Variants in ZYX observed in about 807,000 individuals in gnomAD.
The protein encoded by ZYX is zyxin, also known as zyxin-2.
ZYX carries 37 observed loss-of-function variants against 58.1 expected under a neutral mutation model. That is an observed-to-expected ratio of 0.64 (90% CI 0.49 to 0.84). The LOEUF (loss-of-function observed/expected upper bound fraction) is 0.84. Ranked by LOEUF, ZYX falls within the 40% of genes least tolerant of loss-of-function variation. The pLI, the probability that ZYX is intolerant of heterozygous loss-of-function variation, is 0.00. For synonymous variants in ZYX, 324 were observed against 321.1 expected (o/e 1.01, Z -0.10); for missense variants, 762 against 761.6 (o/e 1.00, Z -0.01).
rs1337254208 is a variant in ZYX at position 143,388,340 on chromosome 7, G to A, written c.1144+1G>A. 8.1e-6 allele frequency: 13 copies of A among 1,613,612 alleles called. No individual in the cohort carries two copies. Among genetic ancestry groups the A allele is most frequent in the Non-Finnish European group, 1.1e-5 (13 of 1,179,804 alleles). On this transcript the variant is annotated splice_donor_variant, in intron 6 of 9. Coordinates refer to ENST00000322764, the MANE Select transcript of ZYX (RefSeq NM_003461.5). LOFTEE classifies it high-confidence loss of function. This position sits in a 1 kb window ranked among gnomAD's most constrained non-coding sequence, Gnocchi z 7.5. ...CAGAGGCAGAATGTGGCTGTCAACG[G>A]TGAGCCCACCCCACCGGGACACCCC...
rs915978028 is a variant in ZYX, at chr7:143,383,401, A to AG, written c.1023+81dup. 13 of 1,461,224 alleles carry AG rather than the reference A, an allele frequency of 8.9e-6. No homozygotes were observed. In the African/African-American group the frequency reaches 1.6e-4, roughly 18 times the overall value. 90.5% of individuals were successfully genotyped at this position (1,461,224 alleles called of 1,614,324 possible). A position where few individuals can be genotyped will look rare whatever the true frequency, so the allele number is the denominator to read the frequency against. On this transcript the variant is annotated intron_variant, in intron 5 of 9. Transcript: ENST00000322764. ...GGTCAGGAGCCAGAGCATAAGCATAAGGTGATTGGAGAGTCAGGGTGGACA... is the reference window on the plus strand; with the variant it reads ...GGTCAGGAGCCAGAGCATAAGCATAAGGGTGATTGGAGAGTCAGGGTGGACA...
chr7:143,390,714 A>C lies in ZYX; in HGVS notation c.*32A>C. ...ACAGGCCCTCTTCAGACCGCAGTCC[A>C]TGCCCCATTGTGGACCACCCACACT... On this transcript the variant is annotated 3_prime_UTR_variant, in exon 10 of 10. Transcript: ENST00000322764. This position sits in a 1 kb window ranked among gnomAD's most constrained non-coding sequence, Gnocchi z 4.3. 6.6e-7 allele frequency: 1 copy of C among 1,516,174 alleles called. No homozygotes were observed. The highest frequency in any genetic ancestry group is 9.0e-7 in the Non-Finnish European group (1 of 1,114,938). 93.9% of individuals were successfully genotyped at this position (1,516,174 alleles called of 1,614,324 possible).
At position 143,389,957 on chromosome 7, in the gene ZYX, A is replaced by G. The variant is rs1340164696; in HGVS notation, c.1594A>G (p.Met532Val). Reference sequence around the variant, plus strand: ...GGTCGCCCTGGACAAGAACTTCCACATGAAGTGTTACAAGTGTGAGGTCAG... The same window carrying G: ...GGTCGCCCTGGACAAGAACTTCCACGTGAAGTGTTACAAGTGTGAGGTCAG... Reference protein sequence around the residue: ...RVVALDKNFHMKCYKCEDCGK... With the variant: ...RVVALDKNFHVKCYKCEDCGK... Residue 532 changes from methionine to valine, a missense_variant, in exon 9 of 10, where the codon ATG becomes GTG. Transcript: ENST00000322764. This position sits in a 1 kb window ranked among gnomAD's most constrained non-coding sequence, Gnocchi z 5.6. 6.2e-7 allele frequency: 1 copy of G among 1,614,106 alleles called. No individual in the cohort carries two copies. Among genetic ancestry groups the G allele is most frequent in the Admixed American group, 1.7e-5 (1 of 60,018 alleles).
chr7:143,385,379 TGTGTGG>T (rs1804816081), intron 5 of ZYX, among the ~76,000 whole-genome samples: 1 of 151,398 alleles, frequency 6.6e-6, no homozygotes, highest in Non-Finnish European at 1.5e-5. Context: ...TGTGTGTTAG[TGTGTGG>T]GTGTGGGTAT....
chr7:143,390,695 C>A lies in ZYX; in HGVS notation c.*13C>A. 1 of 1,554,010 alleles carries A rather than the reference C, an allele frequency of 6.4e-7. No homozygotes were observed. The highest frequency in any genetic ancestry group is 8.7e-7 in the Non-Finnish European group (1 of 1,145,442). ...AGCCCAGACCTGAGTGAGGACAGGCCCTCTTCAGACCGCAGTCCATGCCCC... is the reference window on the plus strand; with the variant it reads ...AGCCCAGACCTGAGTGAGGACAGGCACTCTTCAGACCGCAGTCCATGCCCC... On this transcript the variant is annotated 3_prime_UTR_variant, in exon 10 of 10. Coordinates refer to ENST00000322764, the MANE Select transcript of ZYX (RefSeq NM_003461.5). The surrounding 1 kb of genome is among the most constrained non-coding windows in gnomAD (Gnocchi z 4.3).
At position 143,388,548 on chromosome 7, in the gene ZYX, G is replaced by T; in HGVS notation, c.1204G>T (p.Gly402Trp). ...GGCGCAGCCAGCCGTCCGCGCTCTA[G>T]GGCAGCTGTTCCACATCGCCTGCTT... ...ARAQPAVRAL[G>W]QLFHIACFTC... is the part of the protein sequence containing the mutation. Residue 402 changes from glycine to tryptophan, a missense_variant, in exon 7 of 10, where the codon GGG becomes TGG. By Grantham distance (184) the Gly-to-Trp change is radical (BLOSUM62 -2). Transcript: ENST00000322764. This position sits in a 1 kb window ranked among gnomAD's most constrained non-coding sequence, Gnocchi z 7.5. 1 of 1,611,354 alleles carries T rather than the reference G, an allele frequency of 6.2e-7. No individual in the cohort carries two copies. The highest frequency in any genetic ancestry group is 8.5e-7 in the Non-Finnish European group (1 of 1,179,964).
In ZYX at chr7:143,388,550, G is replaced by A. The variant is rs1804949554; in HGVS notation, c.1206G>A (p.Gly402=). 3 of 1,611,464 alleles carry A rather than the reference G, an allele frequency of 1.9e-6. No individual in the cohort carries two copies. Among genetic ancestry groups the A allele is most frequent in the Non-Finnish European group, 2.5e-6 (3 of 1,179,972 alleles). The part of the protein sequence containing the change: ...ARAQPAVRAL[G]QLFHIACFTC... ...CGCAGCCAGCCGTCCGCGCTCTAGG[G>A]CAGCTGTTCCACATCGCCTGCTTCA... The change falls in exon 7 of 10, where the codon GGG becomes GGA. Residue 402 remains glycine (G), a synonymous_variant. Transcript: ENST00000322764. This position sits in a 1 kb window ranked among gnomAD's most constrained non-coding sequence, Gnocchi z 7.5.
Position 143,388,793 on chromosome 7 carries a change from C to T in ZYX, c.1341C>T (p.Cys447=), listed in dbSNP as rs771255181. ...YTDTLEKCNT[C]GEPITDRMLR... Reference sequence around the variant, plus strand: ...ACACCCTGGAGAAGTGTAACACCTGCGGGGAGCCCATCACTGACCGCATGC... The same window carrying T: ...ACACCCTGGAGAAGTGTAACACCTGTGGGGAGCCCATCACTGACCGCATGC... Residue 447 remains cysteine (C), a synonymous_variant, in exon 8 of 10, where the codon TGC becomes TGT. Coordinates refer to ENST00000322764, the MANE Select transcript of ZYX (RefSeq NM_003461.5). The surrounding 1 kb of genome is among the most constrained non-coding windows in gnomAD (Gnocchi z 7.5). 1.5e-5 allele frequency: 24 copies of T among 1,613,726 alleles called. No homozygotes were observed. The highest frequency in any genetic ancestry group is 2.7e-5 in the African/African-American group (2 of 74,916).
At position 143,388,909 on chromosome 7, in the gene ZYX, A is replaced by G; in HGVS notation, c.1457A>G (p.Gln486Arg). 3 of 1,612,850 alleles carry G rather than the reference A, an allele frequency of 1.9e-6. No homozygotes were observed. Among genetic ancestry groups the G allele is most frequent in the South Asian group, 2.2e-5 (2 of 91,018 alleles). The change falls in exon 8 of 10, where the codon CAG (glutamine) becomes CGG (arginine). Residue 486 changes from glutamine to arginine, a missense_variant. By Grantham distance (43) the Gln-to-Arg change is conservative. Coordinates refer to ENST00000322764, the MANE Select transcript of ZYX (RefSeq NM_003461.5). The surrounding 1 kb of genome is among the most constrained non-coding windows in gnomAD (Gnocchi z 7.5). ...GAGGGCACCTCCTTCATCGTGGACC[A>G]GGCCAACCGGCCCCACTGTGTCCCC... The part of the protein sequence containing the change: ...PLEGTSFIVD[Q>R]ANRPHCVPDY...
chr7:143,386,747 G>A (rs1293564143), intron 5 of ZYX, among the ~76,000 whole-genome samples: 1 of 152,152 alleles, frequency 6.6e-6, no homozygotes. Context: ...CTGGGTTCAT[G>A]TAGTAGGTGT....
At chr7:143,383,439 G>T in intron 5 of ZYX, 117 bp downstream of exon 5, 1 of 1,307,708 alleles carries the variant, frequency 7.6e-7, no homozygotes, top group Non-Finnish European at 1.0e-6. Context: ...GGGGTTGCGG[G>T]GTGGCGGGAT....
At position 143,389,844 on chromosome 7, in the gene ZYX, C is replaced by G; in HGVS notation, c.1494-13C>G. 6.2e-7 allele frequency: 1 copy of G among 1,613,470 alleles called. No homozygotes were observed. Among genetic ancestry groups the G allele is most frequent in the Non-Finnish European group, 8.5e-7 (1 of 1,179,878 alleles). ...CCCTGGCTAACTCGGCTGGCCCTTT[C>G]TGCCCCTTCCAGGCAGTACGCCCCG... is the stretch of plus-strand genomic sequence containing the variant. On this transcript the variant is annotated splice_polypyrimidine_tract_variant and intron_variant, in intron 8 of 9. Transcript: ENST00000322764. The surrounding 1 kb of genome is among the most constrained non-coding windows in gnomAD (Gnocchi z 5.6).
At chr7:143,385,441 G>A (rs71552657) in intron 5 of ZYX, among the ~76,000 whole-genome samples, 25,852 of 151,530 alleles carry the variant, frequency 0.17, 2,441 homozygotes, top group Non-Finnish European at 0.21. Flanking sequence ...ATGTATGAGT[G>A]GCGTGTGATG....
intron 5 of ZYX, among the ~76,000 whole-genome samples, chr7:143,386,751 T>C (rs1416154903): frequency 2.0e-5 from 3 of 151,988 alleles, no homozygotes; most frequent in Non-Finnish European, 4.4e-5. Flanking sequence ...GTTCATGTAG[T>C]AGGTGTGGAT....
At chr7:143,381,886 C>A in intron 2 of ZYX, 107 bp downstream of exon 2, 1 of 1,115,166 alleles carries the variant, frequency 9.0e-7, no homozygotes. Context: ...GGGGGCTGGG[C>A]GCAGCCACCC....
intron 5 of ZYX, among the ~76,000 whole-genome samples, chr7:143,385,061 C>T (rs927596123): frequency 1.8e-4 from 27 of 151,914 alleles, no homozygotes; most frequent in Admixed American, 1.2e-3. Context: ...CCAGGAGGTG[C>T]GGGAAGAAGA....
At position 143,383,212 on chromosome 7, in the gene ZYX, G is replaced by A. The variant is rs140256828; in HGVS notation, c.913G>A (p.Gly305Ser). 6 of 1,614,044 alleles carry A rather than the reference G, an allele frequency of 3.7e-6. No homozygotes were observed. Among genetic ancestry groups the A allele is most frequent in the Non-Finnish European group, 5.1e-6 (6 of 1,180,056 alleles). The change falls in exon 5 of 10, where the codon GGC becomes AGC. Residue 305 changes from glycine (G) to serine (S), a missense_variant. Transcript: ENST00000322764. ...GGGGCACCCCGAAGCTCTTTCTGCT[G>A]GCACAGGCTCCCCTCAACCTCCCAG... ...KLGHPEALSA[G>S]TGSPQPPSFT...
chr7:143,382,721 G>A (rs370972478), intron 4 of ZYX, 36 bp downstream of exon 4: 1 of 1,613,914 alleles, frequency 6.2e-7, no homozygotes, highest in Non-Finnish European at 8.5e-7. Flanking sequence ...CAGGGCTCAG[G>A]GCCAGAGAGA....
rs1804975623 is a variant in ZYX at position 143,389,054 on chromosome 7, G to A, written c.1493+109G>A. On this transcript the variant is annotated intron_variant, in intron 8 of 9. Coordinates refer to ENST00000322764, the MANE Select transcript of ZYX (RefSeq NM_003461.5). This position sits in a 1 kb window ranked among gnomAD's most constrained non-coding sequence, Gnocchi z 5.6. ...CCCCAAACCCCTGGTGGTGTTTTCT[G>A]GTCCCATGTCCTGTCTGTAAACAGC... 2 of 1,303,872 alleles carry A rather than the reference G, an allele frequency of 1.5e-6. No individual in the cohort carries two copies. Among genetic ancestry groups the A allele is most frequent in the Admixed American group, 2.2e-5 (1 of 44,764 alleles). 80.8% of individuals were successfully genotyped at this position (1,303,872 alleles called of 1,614,324 possible).
Sources: gnomAD v4.1 joint callset for allele counts (sites outside exome capture counted in the v4.1 genomes callset) on GRCh38, gnomAD v4.1.1 for gene constraint, Gnocchi (gnomAD v3.1) non-coding constraint, MANE v1.5 for transcripts, NCBI Gene and HGNC (gene_info 2026-07-23, HGNC 2026-07-21) for gene names.